Variants in AASDH observed in about 807,000 individuals in gnomAD.
AASDH encodes the protein beta-alanine-activating enzyme.
AASDH carries 81 observed loss-of-function variants against 102.3 expected under a neutral mutation model. That is an observed-to-expected ratio of 0.79 (90% CI 0.66 to 0.95). The LOEUF is 0.95. Ranked by LOEUF, AASDH falls within the 40% of genes least tolerant of loss-of-function variation. The probability of loss-of-function intolerance (pLI) is 0.00; values close to 1 mark genes in which losing one functional copy is unlikely to be tolerated. For missense variants in AASDH, 1,203 were observed against 1,266.2 expected, an observed-to-expected ratio of 0.95 and a Z score of 0.76; for synonymous variants, 398 against 454.0, an observed-to-expected ratio of 0.88 and a Z score of 1.57.
rs773940228 is a variant in AASDH, at chr4:56,355,323, G to A, written c.962C>T (p.Ala321Val). 11 of 1,613,984 alleles carry A rather than the reference G, an allele frequency of 6.8e-6. No homozygotes were observed. The East Asian group carries it at 1.3e-4, about 20-fold the overall frequency. ...SLRVLALGGE[A>V]FPSLTVLRSW... ...TCTGAGAACTGTCAATGATGGAAAC[G>A]CTTCACCACCAAGGGCTAATACTCG... The change falls in exon 6 of 15, where the codon GCG (alanine) becomes GTG (valine). Residue 321 changes from alanine (A) to valine (V), a missense_variant. By Grantham distance (64) the Ala-to-Val change is moderately conservative. Coordinates refer to ENST00000205214, the MANE Select transcript of AASDH (RefSeq NM_181806.4).
intron 5 of AASDH, among the ~76,000 whole-genome samples, chr4:56,366,339 A>G (rs1417557386): frequency 2.6e-5 from 4 of 152,224 alleles, no homozygotes; most frequent in Non-Finnish European, 2.9e-5. Context: ...CAATCAACAG[A>G]AAAAGAGGGA....
At chr4:56,357,400 G>C (rs1363784131) in intron 5 of AASDH, among the ~76,000 whole-genome samples, 1 of 152,112 alleles carries the variant, frequency 6.6e-6, no homozygotes, top group Non-Finnish European at 1.5e-5. Context: ...TCATGACATA[G>C]TGATCTCCTG....
At position 56,378,378 on chromosome 4, in the gene AASDH, C is replaced by A. The variant is rs760162410; in HGVS notation, c.438G>T (p.Trp146Cys). 2.5e-6 allele frequency: 4 copies of A among 1,613,810 alleles called. No individual in the cohort carries two copies. Among genetic ancestry groups the A allele is most frequent in the Non-Finnish European group, 3.4e-6 (4 of 1,179,842 alleles). Reference protein sequence around the residue: ...HNDLVLFRLHWKNTEVNLMLN... With the variant: ...HNDLVLFRLHCKNTEVNLMLN... ...GCATCAAGTTCACCTCAGTATTTTT[C>A]CAGTGAAGTCTGAAGAGCACTAGGT... Residue 146 changes from tryptophan to cysteine, a missense_variant, in exon 4 of 15, where the codon TGG (tryptophan) becomes TGT (cysteine). Physicochemically the swap from Trp to Cys is radical, Grantham distance 215 (BLOSUM62 -2). Transcript: ENST00000205214.
At position 56,349,550 on chromosome 4, in the gene AASDH, G is replaced by A. The variant is rs139842225; in HGVS notation, c.2201C>T (p.Pro734Leu). The A allele has an allele frequency of 7.9e-4, 1,278 of 1,614,156 alleles. 1 individual carries two copies. Among genetic ancestry groups the A allele is most frequent in the Non-Finnish European group, 1.0e-3 (1,186 of 1,180,034 alleles). ...TTCAGAAACTTTTGCAACACAGGAT[G>A]GATCTTTTGACTTCCCAATAAGAAC... is the stretch of plus-strand genomic sequence containing the variant. ...SPVLIGKSKD[P>L]SCVAKVSEEG... Residue 734 changes from proline to leucine, a missense_variant, in exon 11 of 15, where the codon CCA becomes CTA. By Grantham distance (98) the Pro-to-Leu change is moderately conservative. Transcript: ENST00000205214.
intron 1 of AASDH, among the ~76,000 whole-genome samples, chr4:56,385,926 T>C (rs1753502507): frequency 8.5e-6 from 1 of 117,034 alleles, no homozygotes; most frequent in Admixed American, 8.2e-5. Context: ...TTTTCTTTTC[T>C]TTCTTTTTTT....
intron 11 of AASDH, chr4:56,349,017 G>C (rs1044736800): frequency 3.9e-6 from 2 of 510,886 alleles, no homozygotes; most frequent in Non-Finnish European, 6.8e-6. Flanking sequence ...CAAGGAAAGT[G>C]AAATTCTAAG....
rs1160735888 is a variant in AASDH at position 56,355,261 on chromosome 4, T to G, written c.1024A>C (p.Asn342His). The change falls in exon 6 of 15, where the codon AAT (asparagine) becomes CAT (histidine). Residue 342 changes from asparagine to histidine, a missense_variant. Transcript: ENST00000205214. ...RGEGNKTQIF[N>H]VYGITEVSSW... ...GATACCTCTGTGATACCATAAACAT[T>G]AAATATTTGTGTTTTATTGCCTTCT... 3 of 1,614,084 alleles carry G rather than the reference T, an allele frequency of 1.9e-6. No homozygotes were observed. In the Admixed American group the frequency reaches 5.0e-5, roughly 27 times the overall value.
chr4:56,368,636 G>A (rs145902521), intron 5 of AASDH, among the ~76,000 whole-genome samples: 3,094 of 146,684 alleles, frequency 0.021, 47 homozygotes, highest in South Asian at 0.047. Context: ...ACCAAACACC[G>A]CATGTTCTCA....
chr4:56,345,423 AT>A, intron 11 of AASDH, 133 bp from the exon 12 acceptor site: 1 of 798,464 alleles, frequency 1.3e-6, no homozygotes, highest in Non-Finnish European at 1.9e-6. Context: ...TCTGGCTTAC[AT>A]TTTAGCAATG....
chr4:56,378,392 A>G lies in AASDH; in HGVS notation c.424T>C (p.Phe142Leu), dbSNP rs1472277092. Residue 142 changes from phenylalanine to leucine, a missense_variant, in exon 4 of 15, where the codon TTC becomes CTC. Transcript: ENST00000205214. Reference protein sequence around the residue: ...FTVEHNDLVLFRLHWKNTEVN... With the variant: ...FTVEHNDLVLLRLHWKNTEVN... ...TCAGTATTTTTCCAGTGAAGTCTGA[A>G]GAGCACTAGGTCATTATGTTCCACT... 1.2e-6 allele frequency: 2 copies of G among 1,613,928 alleles called. No homozygotes were observed. Among genetic ancestry groups the G allele is most frequent in the Non-Finnish European group, 1.7e-6 (2 of 1,179,832 alleles).
At chr4:56,345,004 C>A in intron 12 of AASDH, 123 bp downstream of exon 12, 1 of 823,806 alleles carries the variant, frequency 1.2e-6, no homozygotes, top group Non-Finnish European at 1.8e-6. Flanking sequence ...TACACTGTCA[C>A]AATCTTGGCT....
chr4:56,356,986 C>A, intron 5 of AASDH: 1 of 408,172 alleles, frequency 2.4e-6, no homozygotes, highest in South Asian at 3.8e-5. Flanking sequence ...TAGAAATTTT[C>A]CTTTAAAAAT....
At chr4:56,363,432 G>C (rs1750571389) in intron 5 of AASDH, among the ~76,000 whole-genome samples, 1 of 152,208 alleles carries the variant, frequency 6.6e-6, no homozygotes, top group African/African-American at 2.4e-5. Context: ...CTCCTCAAGT[G>C]GGTCCCTGAA....
chr4:56,355,507 C>A, intron 5 of AASDH, 84 bp from the exon 6 acceptor site: 5 of 1,237,414 alleles, frequency 4.0e-6, no homozygotes, highest in South Asian at 1.7e-5. Context: ...TCAAAGTTAA[C>A]ATTTGGAGCC....
At chr4:56,343,488 T>G (rs1747948051) in intron 13 of AASDH, 74 bp downstream of exon 13, 1 of 1,303,312 alleles carries the variant, frequency 7.7e-7, no homozygotes. Flanking sequence ...TACTCAAACT[T>G]TCAAAGCTCA....
chr4:56,344,460 T>G (rs996329667), intron 12 of AASDH, among the ~76,000 whole-genome samples: 4 of 152,178 alleles, frequency 2.6e-5, no homozygotes, highest in African/African-American at 9.6e-5. Context: ...TTTATGTCCC[T>G]TGTTTATTTT....
At chr4:56,372,028 C>T (rs777759637) in intron 4 of AASDH, among the ~76,000 whole-genome samples, 1 of 152,206 alleles carries the variant, frequency 6.6e-6, no homozygotes, top group Non-Finnish European at 1.5e-5. Flanking sequence ...GCACACACGC[C>T]TTCTTCAAGC....
In AASDH at chr4:56,354,055, A is replaced by T. The variant is rs778694227; in HGVS notation, c.1367T>A (p.Ile456Asn). 1 of 1,610,612 alleles carries T rather than the reference A, an allele frequency of 6.2e-7. No homozygotes were observed. Reference sequence around the variant, plus strand: ...TAGTTCTACCTGTTGCACAAGTTCAATGTTAAGACGTTTGCCATGACGTTT... The same window carrying T: ...TAGTTCTACCTGTTGCACAAGTTCATTGTTAAGACGTTTGCCATGACGTTT... The part of the protein sequence containing the change: ...QIKRHGKRLN[I>N]ELVQQVAEEL... The change falls in exon 8 of 15, where the codon ATT (isoleucine) becomes AAT (asparagine). Residue 456 changes from isoleucine (I) to asparagine (N), a missense_variant. Transcript: ENST00000205214.
At position 56,367,277 on chromosome 4, in the gene AASDH, C is replaced by A. The variant is rs1380278708; in HGVS notation, c.861+4174G>T. Among the ~76,000 whole-genome samples, 49 of 150,432 alleles carry A rather than the reference C, an allele frequency of 3.3e-4. 1 individual carries two copies. In the East Asian group the frequency reaches 6.5e-3, roughly 20 times the overall value. On this transcript the variant is annotated intron_variant, in intron 5 of 14. Transcript: ENST00000205214. The stretch of plus-strand genomic sequence containing the variant: ...TGGGTAGGAAGAATCAATATCGTGA[C>A]AATGGCCATACTGCCCAAGGTAATT...
Sources: allele counts gnomAD v4.1 joint callset (sites outside exome capture counted in the v4.1 genomes callset), GRCh38; gene constraint gnomAD v4.1.1; transcripts MANE v1.5; gene names NCBI Gene and HGNC (gene_info 2026-07-23, HGNC 2026-07-21).